PRKCQ: variants seen among roughly 807,000 people sequenced by gnomAD.
PRKCQ encodes protein kinase C theta type.
Under a neutral mutation model 91.2 loss-of-function variants are expected in PRKCQ, and 41 were observed. That is an observed-to-expected ratio of 0.45 (90% CI 0.35 to 0.58). The LOEUF is 0.58. Ranked by LOEUF, PRKCQ falls within the 20% of genes least tolerant of loss-of-function variation. The pLI is 0.00. For synonymous variants in PRKCQ, 307 were observed against 316.9 expected, an observed-to-expected ratio of 0.97 and a Z score of 0.33; for missense variants, 673 against 896.5, an observed-to-expected ratio of 0.75 and a Z score of 3.18.
rs1286905986 is a variant in PRKCQ at position 6,576,267 on chromosome 10, G to A, written c.-10+3944C>T. 3.9e-5 allele frequency among the ~76,000 whole-genome samples: 6 copies of A among 152,200 alleles called. 1 individual carries two copies. The highest frequency in any genetic ancestry group is 2.0e-4 in the Admixed American group (3 of 15,304). ...CAGATATCTGCGTGTTCCTCTTCAC[G>A]GCAGCATTATTCACAATAATCAAAA... On this transcript the variant is annotated intron_variant, in intron 1 of 17. Transcript: ENST00000263125. This position sits in a 1 kb window ranked among gnomAD's most constrained non-coding sequence, Gnocchi z 4.2.
chr10:6,504,477 C>T (rs1265515666), intron 4 of PRKCQ, among the ~76,000 whole-genome samples: 1 of 152,196 alleles, frequency 6.6e-6, no homozygotes, highest in African/African-American at 2.4e-5. Context: ...TTCACTTTTT[C>T]CTCCTTGTAA....
intron 1 of PRKCQ, among the ~76,000 whole-genome samples, chr10:6,531,176 A>G (rs1217647631): frequency 1.1e-4 from 16 of 151,500 alleles, no homozygotes; most frequent in Admixed American, 8.5e-4. Context: ...GTGAGGATGG[A>G]GCTTTAGCAA....
At chr10:6,514,222 G>A (rs777657192) in intron 2 of PRKCQ, among the ~76,000 whole-genome samples, 14 of 152,074 alleles carry the variant, frequency 9.2e-5, no homozygotes, top group South Asian at 2.1e-4. Flanking sequence ...CAAAATGCAC[G>A]TAGGGAAACA....
At chr10:6,518,659 A>C (rs1838871002) in intron 1 of PRKCQ, among the ~76,000 whole-genome samples, 6 of 152,022 alleles carry the variant, frequency 3.9e-5, no homozygotes. Context: ...CCCTCTCTAC[A>C]AAAATACAGC....
chr10:6,576,629 A>G lies in PRKCQ; in HGVS notation c.-10+3582T>C, dbSNP rs1020405929. Among the ~76,000 whole-genome samples the G allele has an allele frequency of 2.0e-5, 3 of 152,252 alleles. No homozygotes were observed. Among genetic ancestry groups the G allele is most frequent in the Non-Finnish European group, 4.4e-5 (3 of 68,048 alleles). ...AGAATCCTGTGGATGGATGATGGCA[A>G]TGGTTGCAAAACAATGTGAATATAC... On this transcript the variant is annotated intron_variant, in intron 1 of 17. Transcript: ENST00000263125. This position sits in a 1 kb window ranked among gnomAD's most constrained non-coding sequence, Gnocchi z 4.2.
At chr10:6,559,263 C>T (rs1193247089) in intron 1 of PRKCQ, among the ~76,000 whole-genome samples, 1 of 152,138 alleles carries the variant, frequency 6.6e-6, no homozygotes, top group Admixed American at 6.5e-5. Context: ...TAAAAGAGCC[C>T]TGGTCCCAGC....
At chr10:6,467,365 G>C (rs1564324209) in intron 12 of PRKCQ, among the ~76,000 whole-genome samples, 5 of 120,968 alleles carry the variant, frequency 4.1e-5, no homozygotes, top group African/African-American at 1.4e-4. Flanking sequence ...GACAGAGAGA[G>C]AGAGAGAGAC....
intron 8 of PRKCQ, among the ~76,000 whole-genome samples, chr10:6,486,872 C>T (rs1036773015): frequency 8.5e-5 from 13 of 152,158 alleles, no homozygotes; most frequent in South Asian, 4.1e-4. Flanking sequence ...GGATATCAGA[C>T]GGTGGAGCCG....
At chr10:6,502,286 C>T (rs142130690) in intron 4 of PRKCQ, among the ~76,000 whole-genome samples, 121 of 152,298 alleles carry the variant, frequency 7.9e-4, no homozygotes, top group African/African-American at 2.6e-3. Context: ...GGAAAAGAAA[C>T]GTCCTGGCAG....
intron 11 of PRKCQ, among the ~76,000 whole-genome samples, chr10:6,482,121 T>G (rs1352650891): frequency 6.6e-6 from 1 of 151,586 alleles, no homozygotes; most frequent in Non-Finnish European, 1.5e-5. Flanking sequence ...TTCTCCACAA[T>G]TTTTTTCCAG....
At chr10:6,439,329 C>CA in intron 16 of PRKCQ, among the ~76,000 whole-genome samples, 1 of 152,332 alleles carries the variant, frequency 6.6e-6, no homozygotes, top group East Asian at 1.9e-4. Flanking sequence ...CCTGTACTCT[C>CA]AGAGTTTGTT....
the PRKCQ span, among the ~76,000 whole-genome samples, chr10:6,412,673 A>ATTTTCT: frequency 6.6e-6 from 1 of 152,256 alleles, no homozygotes; most frequent in Non-Finnish European, 1.5e-5. Context: ...AACAGCATTG[A>ATTTTCT]GTCACTTGGT....
In PRKCQ at chr10:6,508,131, G is replaced by A. The variant is rs549126847; in HGVS notation, c.319-635C>T. On this transcript the variant is annotated intron_variant, in intron 3 of 17. Coordinates refer to ENST00000263125, the MANE Select transcript of PRKCQ (RefSeq NM_006257.5). ...ACATACTTCAGTACTGTATTATTAT[G>A]TAGAAGAGGGCGGAACAAAGTGTCA... Among the ~76,000 whole-genome samples the A allele has an allele frequency of 1.4e-4, 22 of 152,324 alleles. No homozygotes were observed. The South Asian group carries it at 4.6e-3, about 32-fold the overall frequency.
intron 17 of PRKCQ, 82 bp from the exon 18 acceptor site, chr10:6,428,444 C>A: frequency 6.8e-7 from 1 of 1,471,678 alleles, no homozygotes; most frequent in Non-Finnish European, 9.2e-7. Context: ...TTATCTAGGC[C>A]GTGATCTGCG....
At chr10:6,459,961 G>C (rs1334302381) in intron 14 of PRKCQ, among the ~76,000 whole-genome samples, 1 of 152,206 alleles carries the variant, frequency 6.6e-6, no homozygotes, top group Non-Finnish European at 1.5e-5. Flanking sequence ...TGTTAATTCA[G>C]TTGCCAAATT....
intron 16 of PRKCQ, among the ~76,000 whole-genome samples, chr10:6,438,916 G>A (rs1177285661): frequency 6.6e-6 from 1 of 152,236 alleles, no homozygotes; most frequent in African/African-American, 2.4e-5. Context: ...CTAGGCTCTT[G>A]ATTACAGTGA....
At chr10:6,426,916 A>G (rs1223657244), downstream of PRKCQ, among the ~76,000 whole-genome samples, 1 of 152,144 alleles carries the variant, frequency 6.6e-6, no homozygotes, top group South Asian at 2.1e-4. Context: ...TTGTATTTTT[A>G]GTAGAGACAG....
chr10:6,451,574 T>C (rs1834681280), intron 15 of PRKCQ, among the ~76,000 whole-genome samples: 1 of 152,232 alleles, frequency 6.6e-6, no homozygotes, highest in African/African-American at 2.4e-5. Context: ...TTAACTCATT[T>C]GATGAGGCCA....
At chr10:6,527,251 A>C (rs748346718) in intron 1 of PRKCQ, among the ~76,000 whole-genome samples, 1 of 152,194 alleles carries the variant, frequency 6.6e-6, no homozygotes, top group Non-Finnish European at 1.5e-5. Flanking sequence ...CAGGTACTGA[A>C]ACTTCTTGGG....
Sources: allele counts gnomAD v4.1 joint callset (sites outside exome capture counted in the v4.1 genomes callset), GRCh38; gene constraint gnomAD v4.1.1; non-coding constraint Gnocchi (gnomAD v3.1); transcripts MANE v1.5; gene names NCBI Gene and HGNC (gene_info 2026-07-23, HGNC 2026-07-21).